SUCO: variants seen among roughly 807,000 people sequenced by gnomAD.
SUCO encodes SUN domain containing ossification factor.
Under a neutral mutation model 148.1 loss-of-function variants are expected in SUCO, and 57 were observed. That is an observed-to-expected ratio of 0.38 (90% confidence interval 0.31 to 0.48). The LOEUF is 0.48. Ranked by LOEUF, SUCO falls within the 20% of genes least tolerant of loss-of-function variation. SUCO has a pLI of 0.96. For synonymous variants in SUCO, 470 were observed against 502.7 expected (o/e 0.93, Z 0.87); for missense variants, 1,331 against 1,468.2 (o/e 0.91, Z 1.53).
chr1:172,590,576 G>A (rs771254540), intron 18 of SUCO, among the ~76,000 whole-genome samples: 9 of 152,044 alleles, frequency 5.9e-5, no homozygotes, highest in Admixed American at 6.6e-5. Context: ...AGGCACAAGT[G>A]TCCAGAGTTC....
chr1:172,540,886 AAGAG>A (rs1450760905), intron 1 of SUCO, among the ~76,000 whole-genome samples: 3 of 152,270 alleles, frequency 2.0e-5, no homozygotes, highest in Admixed American at 2.0e-4. Context: ...CCTGAGGAGA[AAGAG>A]AGAGATTTCA....
chr1:172,608,920 C>A (rs1658030523), intron 23 of SUCO, 118 bp downstream of exon 23: 5 of 729,718 alleles, frequency 6.9e-6, no homozygotes, highest in Non-Finnish European at 1.1e-5. Flanking sequence ...TGTTTATTTT[C>A]TATCATGATA....
rs756945552 is a variant in SUCO, at chr1:172,578,363, G to A, written c.1406G>A (p.Arg469His). The change falls in exon 14 of 24, where the codon CGC (arginine) becomes CAC (histidine). Residue 469 changes from arginine to histidine, a missense_variant. By Grantham distance (29) the Arg-to-His change is conservative. Around this residue, in one of 3 missense-constraint regions of SUCO, gnomAD observed 992 missense variants for 1,093.5 expected, o/e 0.91. Transcript: ENST00000263688. The part of the protein sequence containing the change: ...EIADSQYHSE[R>H]QELFDEDYDY... ...GCTGATTCCCAGTATCACTCAGAAC[G>A]CCAGGAACTATTTGATGAGGACTAT... The A allele has an allele frequency of 8.1e-6, 13 of 1,612,232 alleles. No homozygotes were observed. Among genetic ancestry groups the A allele is most frequent in the East Asian group, 2.2e-5 (1 of 44,798 alleles).
chr1:172,540,623 A>G (rs1239151763), intron 1 of SUCO, among the ~76,000 whole-genome samples: 1 of 152,230 alleles, frequency 6.6e-6, no homozygotes. Flanking sequence ...TTCTCAAGGA[A>G]GGCTTGACTT....
chr1:172,557,555 T>C, intron 5 of SUCO, 89 bp from the exon 6 acceptor site: 1 of 1,476,216 alleles, frequency 6.8e-7, no homozygotes. Context: ...CTTGGTTTAC[T>C]TTGTGCATGA....
At chr1:172,568,828 AAATT>A (rs1452492947) in intron 6 of SUCO, among the ~76,000 whole-genome samples, 187 bp from the exon 7 acceptor site, 1 of 152,156 alleles carries the variant, frequency 6.6e-6, no homozygotes, top group Non-Finnish European at 1.5e-5. Context: ...AAGAATGTTT[AAATT>A]ATCTCAAGAG....
chr1:172,597,807 T>C (rs947340567), intron 19 of SUCO, among the ~76,000 whole-genome samples: 1 of 152,210 alleles, frequency 6.6e-6, no homozygotes, highest in Non-Finnish European at 1.5e-5. Flanking sequence ...TGAGGAGGCC[T>C]TATACTGCGG....
At chr1:172,605,026 GTT>G (rs1476355483) in intron 22 of SUCO, among the ~76,000 whole-genome samples, 1 of 151,608 alleles carries the variant, frequency 6.6e-6, no homozygotes, top group Non-Finnish European at 1.5e-5. Context: ...GATTGTTTGA[GTT>G]TTTTGTTTTT....
intron 19 of SUCO, among the ~76,000 whole-genome samples, chr1:172,596,932 C>G (rs1657147835): frequency 6.6e-6 from 1 of 152,228 alleles, no homozygotes; most frequent in South Asian, 2.1e-4. Context: ...GCGCTGGGCT[C>G]CACCCAGTTC....
upstream of SUCO, chr1:172,532,985 T>C (rs1651702123): frequency 2.9e-6 from 4 of 1,389,714 alleles, no homozygotes; most frequent in East Asian, 5.0e-5. Context: ...GCGCAGAGGC[T>C]GGTGGGGGTG....
intron 19 of SUCO, among the ~76,000 whole-genome samples, chr1:172,591,812 G>A (rs2149262589): frequency 6.6e-6 from 1 of 152,200 alleles, no homozygotes; most frequent in Non-Finnish European, 1.5e-5. Context: ...GGATTGCTGG[G>A]TCAAATGGTA....
chr1:172,590,550 C>T (rs1323477404), intron 18 of SUCO, among the ~76,000 whole-genome samples: 2 of 152,104 alleles, frequency 1.3e-5, no homozygotes, highest in African/African-American at 2.4e-5. Context: ...TCTCTACCAA[C>T]GTTTTGCAAA....
At chr1:172,574,416 G>A (rs1655274329) in intron 10 of SUCO, among the ~76,000 whole-genome samples, 1 of 151,798 alleles carries the variant, frequency 6.6e-6, no homozygotes, top group Non-Finnish European at 1.5e-5. Context: ...GCTTTATGAG[G>A]TATATTTTTA....
intron 2 of SUCO, 39 bp from the exon 3 acceptor site, chr1:172,553,221 C>G: frequency 6.7e-7 from 1 of 1,493,098 alleles, no homozygotes; most frequent in Non-Finnish European, 9.0e-7. Context: ...TTTTGTAAAA[C>G]AGTTTTATCA....
At chr1:172,537,545 TAACTGGGGA>T (rs1404242076) in intron 1 of SUCO, among the ~76,000 whole-genome samples, 1 of 152,190 alleles carries the variant, frequency 6.6e-6, no homozygotes, top group East Asian at 1.9e-4. Context: ...TAAGTCTACC[TAACTGGGGA>T]AACATAAACC....
intron 1 of SUCO, among the ~76,000 whole-genome samples, chr1:172,539,389 T>C (rs1558168070): frequency 6.6e-6 from 1 of 152,234 alleles, no homozygotes; most frequent in Non-Finnish European, 1.5e-5. Context: ...TAGACTAATT[T>C]AAAAGTCAAA....
At chr1:172,545,974 C>G (rs1024293598) in intron 1 of SUCO, among the ~76,000 whole-genome samples, 1 of 151,982 alleles carries the variant, frequency 6.6e-6, no homozygotes, top group African/African-American at 2.4e-5. Context: ...CTCTGTCCCC[C>G]AGTCTGGAGT....
intron 19 of SUCO, among the ~76,000 whole-genome samples, chr1:172,593,485 G>T (rs905404057): frequency 2.0e-5 from 3 of 152,174 alleles, no homozygotes; most frequent in African/African-American, 4.8e-5. Context: ...TTAGCATGAA[G>T]GGTTGTTGAA....
intron 3 of SUCO, among the ~76,000 whole-genome samples, chr1:172,554,045 G>T (rs1220758314): frequency 6.6e-6 from 1 of 151,966 alleles, no homozygotes; most frequent in Non-Finnish European, 1.5e-5. Context: ...TCAGAATGAG[G>T]GAGAATTCTT....
Sources: allele counts gnomAD v4.1 joint callset (sites outside exome capture counted in the v4.1 genomes callset), GRCh38; gene constraint gnomAD v4.1.1; regional missense constraint gnomAD v4.1.1; transcripts MANE v1.5; gene names NCBI Gene and HGNC (gene_info 2026-07-23, HGNC 2026-07-21).